Variants in FRMPD4 observed in about 807,000 individuals in gnomAD.
The protein encoded by FRMPD4 is FERM and PDZ domain-containing protein 4.
A neutral mutation model predicts 94.1 loss-of-function variants in FRMPD4; 22 were observed. The observed-to-expected ratio is 0.23, with a 90% CI of 0.17 to 0.33. FRMPD4 has a LOEUF of 0.33. Among genes scored for constraint, FRMPD4 ranks in the 10% least tolerant of loss-of-function variants. FRMPD4 has a pLI of 1.00. For missense variants in FRMPD4, 1,111 were observed against 1,339.9 expected (o/e 0.83, Z 2.67); for synonymous variants, 631 against 548.6 (o/e 1.15, Z -2.10).
intron 2 of FRMPD4, chrX:12,583,670 C>T (rs2058892457): frequency 5.5e-6 from 2 of 366,560 alleles, no homozygotes; most frequent in South Asian, 8.7e-5. Context: ...GCCCCGCCGC[C>T]CTGTCTGCGG....
At chrX:12,543,723 C>A (rs1216341066) in intron 2 of FRMPD4, among the ~76,000 whole-genome samples, 1 of 111,025 alleles carries the variant, frequency 9.0e-6, no homozygotes, top group Non-Finnish European at 1.9e-5. Context: ...TTGACCCAGC[C>A]ATCCCATTAC....
chrX:12,291,389 G>T (rs780290871), intron 1 of FRMPD4, among the ~76,000 whole-genome samples: 3 of 111,251 alleles, frequency 2.7e-5, no homozygotes, highest in African/African-American at 6.5e-5. Context: ...GATTGTCCTC[G>T]GCTCCCTTTA....
Position 12,219,609 on chromosome X carries a change from A to G in FRMPD4, c.41+80597A>G, listed in dbSNP as rs1174061925. 3.6e-5 allele frequency among the ~76,000 whole-genome samples: 4 copies of G among 111,935 alleles called. No homozygotes were observed. The East Asian group carries it at 1.1e-3, about 31-fold the overall frequency. On this transcript the variant is annotated intron_variant, in intron 1 of 16. Coordinates refer to ENST00000675598, the MANE Select transcript of FRMPD4 (RefSeq NM_001368397.1). ...AGTCAGCTTCCCAGTTATCCTTTCT[A>G]GAAATTCTGATGTGGAATATCTGCA... is the stretch of plus-strand genomic sequence containing the variant.
At chrX:12,561,851 G>A (rs1295341618) in intron 2 of FRMPD4, among the ~76,000 whole-genome samples, 2 of 112,194 alleles carry the variant, frequency 1.8e-5, no homozygotes, top group African/African-American at 6.5e-5. Context: ...CATATTCGGG[G>A]ATAGCAATAG....
intron 1 of FRMPD4, among the ~76,000 whole-genome samples, chrX:12,209,632 G>A (rs2056733248): frequency 8.9e-6 from 1 of 112,237 alleles, no homozygotes; most frequent in Non-Finnish European, 1.9e-5. Flanking sequence ...GATGGGCTTG[G>A]TTCATGGGAG....
At chrX:12,486,316 C>T (rs1314704751) in intron 1 of FRMPD4, among the ~76,000 whole-genome samples, 1 of 111,995 alleles carries the variant, frequency 8.9e-6, no homozygotes, top group Non-Finnish European at 1.9e-5. Flanking sequence ...TCCTGAGCCC[C>T]ACTCTAGGCC....
intron 3 of FRMPD4, among the ~76,000 whole-genome samples, chrX:12,094,133 T>C (rs1013458907): frequency 1.1e-4 from 12 of 112,155 alleles, no homozygotes; most frequent in Admixed American, 2.8e-4. Flanking sequence ...ATAATTAATA[T>C]ACTGCTGCTT....
intron 2 of FRMPD4, among the ~76,000 whole-genome samples, chrX:12,565,192 C>G (rs2058700453): frequency 9.0e-6 from 1 of 111,206 alleles, no homozygotes. Flanking sequence ...ATTAATAAGA[C>G]AGAGGGAGAA....
At chrX:12,392,238 A>C (rs747560856) in intron 1 of FRMPD4, among the ~76,000 whole-genome samples, 1 of 106,393 alleles carries the variant, frequency 9.4e-6, no homozygotes, top group Admixed American at 9.9e-5. Flanking sequence ...ACGGGGTTTC[A>C]CCATGTTGGC....
At chrX:12,505,688 T>C (rs973777322) in intron 2 of FRMPD4, among the ~76,000 whole-genome samples, 1 of 93,725 alleles carries the variant, frequency 1.1e-5, no homozygotes, top group Admixed American at 1.3e-4. Context: ...GATCGTGCCA[T>C]TGCACTCCAG....
At chrX:12,310,426 G>A (rs113302042) in intron 1 of FRMPD4, among the ~76,000 whole-genome samples, 3 of 80,112 alleles carry the variant, frequency 3.7e-5, no homozygotes, top group African/African-American at 5.9e-5. Flanking sequence ...GGGCGTATAC[G>A]TGCAAGTCAA....
chrX:12,299,371 A>C (rs1176558868), intron 1 of FRMPD4, among the ~76,000 whole-genome samples: 1 of 110,597 alleles, frequency 9.0e-6, no homozygotes, highest in Non-Finnish European at 1.9e-5. Context: ...TATCCCATGA[A>C]TAAATAAGTC....
In FRMPD4 at chrX:11,944,881, A is replaced by G. The variant is rs140049665; in HGVS notation, c.95+66863A>G. On this transcript the variant is annotated intron_variant, in intron 3 of 18. Transcript: ENST00000640291. Reference sequence around the variant, plus strand: ...AAATCACAGCCATTCTCAGTGTGCTACTGCTGAGGAAAGAGAACTGGAAAA... The same window carrying G: ...AAATCACAGCCATTCTCAGTGTGCTGCTGCTGAGGAAAGAGAACTGGAAAA... 4.9e-3 allele frequency among the ~76,000 whole-genome samples: 555 copies of G among 112,542 alleles called. 1 individual carries two copies. The highest frequency in any genetic ancestry group is 8.4e-3 in the Non-Finnish European group (447 of 53,261).
intron 2 of FRMPD4, among the ~76,000 whole-genome samples, chrX:12,538,475 T>C (rs1195190201): frequency 3.6e-5 from 4 of 110,555 alleles, no homozygotes; most frequent in South Asian, 3.9e-4. Flanking sequence ...TTGAAGAGAG[T>C]AGTGGTTCTC....
At chrX:11,974,637 G>C (rs2054357965) in intron 3 of FRMPD4, among the ~76,000 whole-genome samples, 1 of 112,492 alleles carries the variant, frequency 8.9e-6, no homozygotes. Flanking sequence ...GAGATATGGG[G>C]CATCAGCCAT....
chrX:12,363,779 AAAG>A (rs2056032952), intron 1 of FRMPD4, among the ~76,000 whole-genome samples: 2 of 112,025 alleles, frequency 1.8e-5, no homozygotes, highest in East Asian at 5.6e-4. Flanking sequence ...TGTGCATTGT[AAAG>A]AAGAACTTGA....
rs181696736 is a variant in FRMPD4, at chrX:12,028,127, G to A, written c.95+150109G>A. Among the ~76,000 whole-genome samples, 26 of 111,986 alleles carry A rather than the reference G, an allele frequency of 2.3e-4. No individual in the cohort carries two copies. In the East Asian group the frequency reaches 6.7e-3, roughly 29 times the overall value. On this transcript the variant is annotated intron_variant, in intron 3 of 18. Transcript: ENST00000640291. ...TCACAAGCTTGAAAGCAAGATGTCAGCCAGGCTGAGTCCACTACGAAGCTC... is the reference window on the plus strand; with the variant it reads ...TCACAAGCTTGAAAGCAAGATGTCAACCAGGCTGAGTCCACTACGAAGCTC...
intron 4 of FRMPD4, among the ~76,000 whole-genome samples, chrX:12,663,763 A>G (rs1005414720): frequency 8.9e-6 from 1 of 112,425 alleles, no homozygotes. Context: ...CCTGATGGAG[A>G]TAGCATGGAA....
rs1386640997 is a variant in FRMPD4, at chrX:12,231,030, GTATATATATATATATATAAAATA to G, written c.41+92037_41+92059del. Among the ~76,000 whole-genome samples the G allele has an allele frequency of 2.7e-4, 7 of 26,387 alleles. No homozygotes were observed. The East Asian group carries it at 4.3e-3, about 16-fold the overall frequency. 22.9% of individuals were successfully genotyped at this position (26,387 alleles called of 115,157 possible). A position where few individuals can be genotyped will look rare whatever the true frequency, so the allele number is the denominator to read the frequency against. The stretch of plus-strand genomic sequence containing the variant: ...ATATAGTATATATAGTATATATATA[GTATATATATATATATATAAAATA>G]TATATATATATATATATATATAGTC... On this transcript the variant is annotated intron_variant, in intron 1 of 16. Transcript: ENST00000675598.
Sources: gnomAD v4.1 joint callset for allele counts (sites outside exome capture counted in the v4.1 genomes callset) on GRCh38, gnomAD v4.1.1 for gene constraint, MANE v1.5 for transcripts, NCBI Gene and HGNC (gene_info 2026-07-23, HGNC 2026-07-21) for gene names.